The following ENPEP variants were observed in gnomAD, a reference collection of about 807,000 sequenced individuals.
ENPEP encodes the protein AP-A.
A neutral mutation model predicts 114.5 loss-of-function variants in ENPEP; 103 were observed. The ratio of observed to expected loss-of-function variants is 0.90; its 90% confidence interval spans 0.77 to 1.06. The LOEUF is 1.06. Among genes scored for constraint, ENPEP ranks in the 50% least tolerant of loss-of-function variants. The probability of loss-of-function intolerance (pLI) is 0.00; values close to 1 mark genes in which losing one functional copy is unlikely to be tolerated. For synonymous variants in ENPEP, 420 were observed against 422.0 expected (o/e 1.00, Z 0.06); for missense variants, 1,196 against 1,161.3 (o/e 1.03, Z -0.43).
chr4:110,488,515 CGTTT>C (rs778451448), intron 1 of ENPEP, 22 bp from the exon 2 acceptor site: 63 of 1,567,964 alleles, frequency 4.0e-5, no homozygotes, highest in Admixed American at 1.5e-4. Context: ...GCATGCATTT[CGTTT>C]GTTTGTTTGT....
Position 110,561,704 on chromosome 4 carries a change from C to T in ENPEP, c.*146C>T. 1.4e-6 allele frequency: 1 copy of T among 725,192 alleles called. No individual in the cohort carries two copies. Among genetic ancestry groups the T allele is most frequent in the Non-Finnish European group, 2.2e-6 (1 of 460,812 alleles). The allele number at this position is 725,192 out of a possible 1,614,324, so 44.9% of individuals were successfully genotyped here. Reference sequence around the variant, plus strand: ...ACTGTGTTTATATGTCTTGCAAAGCCTTTAAATTGTTCCTCTTTGTTTATG... The same window carrying T: ...ACTGTGTTTATATGTCTTGCAAAGCTTTTAAATTGTTCCTCTTTGTTTATG... On this transcript the variant is annotated 3_prime_UTR_variant, in exon 20 of 20. Transcript: ENST00000265162.
intron 8 of ENPEP, 62 bp from the exon 9 acceptor site, chr4:110,519,946 T>C: frequency 6.7e-7 from 1 of 1,485,152 alleles, no homozygotes. Context: ...TCAGTTCATC[T>C]TGTGAAAGTA....
chr4:110,513,325 T>G, intron 6 of ENPEP, 90 bp from the exon 7 acceptor site: 2 of 1,391,412 alleles, frequency 1.4e-6, no homozygotes, highest in Non-Finnish European at 9.6e-7. Flanking sequence ...TATATTTATT[T>G]TCCTCCAATT....
At chr4:110,515,278 CA>C (rs1725718387) in intron 7 of ENPEP, 98 bp from the exon 8 acceptor site, 3 of 1,000,480 alleles carry the variant, frequency 3.0e-6, no homozygotes, top group Non-Finnish European at 4.5e-6. Context: ...ACTAATCTCA[CA>C]AATATGATCA....
In ENPEP at chr4:110,521,835, A is replaced by C. The variant is rs188001976; in HGVS notation, c.1727+1469A>C. Among the ~76,000 whole-genome samples, 438 of 152,164 alleles carry C rather than the reference A, an allele frequency of 2.9e-3. 2 individuals carry two copies. Among genetic ancestry groups the C allele is most frequent in the Non-Finnish European group, 4.8e-3 (327 of 67,978 alleles). On this transcript the variant is annotated intron_variant, in intron 10 of 19. Transcript: ENST00000265162. ...AGCTAGCAAATATAAAAGAGAAGAC[A>C]AATATGAACAGTCTAGCACCCAACA...
chr4:110,540,822 T>C (rs565872839), intron 11 of ENPEP, among the ~76,000 whole-genome samples: 1 of 152,300 alleles, frequency 6.6e-6, no homozygotes, highest in African/African-American at 2.4e-5. Context: ...CACATAACTA[T>C]GTGACCAACA....
At chr4:110,511,954 G>A (rs1725593379) in intron 6 of ENPEP, among the ~76,000 whole-genome samples, 1 of 152,086 alleles carries the variant, frequency 6.6e-6, no homozygotes, top group East Asian at 1.9e-4. Context: ...AGTAGAGATG[G>A]GGTTTTGCCA....
intron 8 of ENPEP, chr4:110,518,943 A>G (rs1725881191): frequency 2.5e-6 from 1 of 395,932 alleles, no homozygotes. Flanking sequence ...GTATTCAATT[A>G]TTATTATTTA....
intron 10 of ENPEP, among the ~76,000 whole-genome samples, chr4:110,521,306 G>T (rs1470157088): frequency 6.6e-6 from 1 of 152,070 alleles, no homozygotes; most frequent in East Asian, 1.9e-4. Context: ...CTCAAGTCAG[G>T]AGTTTGAGGC....
At chr4:110,536,797 G>A (rs1726651037) in intron 11 of ENPEP, among the ~76,000 whole-genome samples, 1 of 151,934 alleles carries the variant, frequency 6.6e-6, no homozygotes, top group East Asian at 1.9e-4. Flanking sequence ...TGATAATTGG[G>A]TTGCATTTTT....
rs1271296180 is a variant in ENPEP at position 110,559,710 on chromosome 4, A to C, written c.2706A>C (p.Glu902Asp). ...IVTIAEPFNTELQLWQMESFF... is the reference protein window; with the variant it reads ...IVTIAEPFNTDLQLWQMESFF... Reference sequence around the variant, plus strand: ...CAATAGCAGAGCCATTCAACACTGAACTGCAACTGTGGCAGGTATGAAGAT... The same window carrying C: ...CAATAGCAGAGCCATTCAACACTGACCTGCAACTGTGGCAGGTATGAAGAT... Residue 902 changes from glutamate to aspartate, a missense_variant, in exon 19 of 20, where the codon GAA becomes GAC. Coordinates refer to ENST00000265162, the MANE Select transcript of ENPEP (RefSeq NM_001977.4). The C allele has an allele frequency of 1.2e-6, 2 of 1,613,454 alleles. No homozygotes were observed. Among genetic ancestry groups the C allele is most frequent in the Non-Finnish European group, 8.5e-7 (1 of 1,179,486 alleles).
intron 3 of ENPEP, among the ~76,000 whole-genome samples, chr4:110,503,061 C>T (rs113252897): frequency 3.0e-4 from 46 of 152,256 alleles, no homozygotes; most frequent in African/African-American, 1.1e-3. Context: ...CCGCTCCCCC[C>T]ACCCCACGAC....
intron 7 of ENPEP, among the ~76,000 whole-genome samples, chr4:110,514,300 G>A (rs1725682875): frequency 6.6e-6 from 1 of 151,970 alleles, no homozygotes; most frequent in African/African-American, 2.4e-5. Flanking sequence ...TCTTATTTGA[G>A]TCAAAAATAT....
rs184981313 is a variant in ENPEP at position 110,540,889 on chromosome 4, C to T, written c.1808-1862C>T. On this transcript the variant is annotated intron_variant, in intron 11 of 19. Coordinates refer to ENST00000265162, the MANE Select transcript of ENPEP (RefSeq NM_001977.4). ...AACAGCCCTGTGAGGGATTTTTGTC[C>T]CTGTCTTCCTTGGGGTGAACTGGGA... Among the ~76,000 whole-genome samples the T allele has an allele frequency of 3.0e-3, 455 of 152,054 alleles. 1 individual carries two copies. The highest frequency in any genetic ancestry group is 0.01 in the African/African-American group (432 of 41,488).
At chr4:110,506,525 A>G (rs983894188) in intron 3 of ENPEP, 112 bp from the exon 4 acceptor site, 1 of 1,097,858 alleles carries the variant, frequency 9.1e-7, no homozygotes, top group African/African-American at 1.6e-5. Flanking sequence ...TTCAAATTAG[A>G]CATATCTGGC....
rs922822679 is a variant in ENPEP at position 110,476,520 on chromosome 4, G to C, written c.106G>C (p.Ala36Pro). The C allele has an allele frequency of 5.6e-6, 9 of 1,602,742 alleles. No individual in the cohort carries two copies. Among genetic ancestry groups the C allele is most frequent in the Non-Finnish European group, 6.8e-6 (8 of 1,172,926 alleles). ...VVGVGLIVGL[A>P]VGLTRSCDSS... is the part of the protein sequence containing the mutation. ...GGGTGTAGGATTAATAGTGGGACTT[G>C]CCGTGGGCTTGACCAGATCGTGTGA... Residue 36 changes from alanine to proline, a missense_variant, in exon 1 of 20, where the codon GCC becomes CCC. By Grantham distance (27) the Ala-to-Pro change is conservative. Coordinates refer to ENST00000265162, the MANE Select transcript of ENPEP (RefSeq NM_001977.4).
At chr4:110,553,047 T>C (rs1305917193) in intron 17 of ENPEP, among the ~76,000 whole-genome samples, 1 of 152,110 alleles carries the variant, frequency 6.6e-6, no homozygotes, top group Non-Finnish European at 1.5e-5. Flanking sequence ...TTTAAAATTG[T>C]TTTTGGTGCT....
At chr4:110,559,376 G>GA (rs33940498) in intron 18 of ENPEP, among the ~76,000 whole-genome samples, 1,916 of 139,802 alleles carry the variant, frequency 0.014, 18 homozygotes, top group East Asian at 0.024. Context: ...CATGTGTGCA[G>GA]AAAAAAAAAA....
At position 110,491,090 on chromosome 4, in the gene ENPEP, A is replaced by C; in HGVS notation, c.844A>C (p.Met282Leu). The C allele has an allele frequency of 6.2e-7, 1 of 1,612,820 alleles. No homozygotes were observed. Among genetic ancestry groups the C allele is most frequent in the Non-Finnish European group, 8.5e-7 (1 of 1,179,954 alleles). Residue 282 changes from methionine to leucine, a missense_variant, in exon 3 of 20, where the codon ATG becomes CTG. Coordinates refer to ENST00000265162, the MANE Select transcript of ENPEP (RefSeq NM_001977.4). Reference sequence around the variant, plus strand: ...AACAACTTTTGAGAAGTCTGTCCCCATGAGCACGTACCTGGTGTGCTTTGC... The same window carrying C: ...AACAACTTTTGAGAAGTCTGTCCCCCTGAGCACGTACCTGGTGTGCTTTGC... ...TRTTFEKSVP[M>L]STYLVCFAVH...
Sources: gnomAD v4.1 joint callset for allele counts (sites outside exome capture counted in the v4.1 genomes callset) on GRCh38, gnomAD v4.1.1 for gene constraint, MANE v1.5 for transcripts, NCBI Gene and HGNC (gene_info 2026-07-23, HGNC 2026-07-21) for gene names.